The following WWOX variants were observed in gnomAD, a reference collection of about 807,000 sequenced individuals.
WWOX encodes the protein WW domain containing oxidoreductase, also known as WW domain-containing oxidoreductase.
A neutral mutation model predicts 46.2 loss-of-function variants in WWOX; 69 were observed. That is an observed-to-expected ratio of 1.49 (90% CI 1.23 to 1.82). WWOX has a LOEUF of 1.82. Ranked by LOEUF, WWOX falls within the 40% of genes most tolerant of loss-of-function variation. The probability of loss-of-function intolerance (pLI) is 0.00; values close to 1 mark genes in which losing one functional copy is unlikely to be tolerated. For missense variants in WWOX, 919 were observed against 542.6 expected (o/e 1.69, Z -6.89); for synonymous variants, 359 against 202.6 (o/e 1.77, Z -6.56).
At chr16:78,899,781 C>T (rs1037882456) in intron 8 of WWOX, 8 of 152,130 alleles carry the variant, frequency 5.3e-5, no homozygotes, top group South Asian at 2.1e-4. Context: ...AGCATTAAGA[C>T]GAAAATCTTT....
chr16:78,600,453 C>T (rs528994631), intron 8 of WWOX, among the ~76,000 whole-genome samples: 1 of 152,148 alleles, frequency 6.6e-6, no homozygotes, highest in Non-Finnish European at 1.5e-5. Context: ...GTGAAGTCAT[C>T]TCCATTTTAA....
At chr16:78,723,629 T>TCTCTTTTC (rs2048752454) in intron 8 of WWOX, among the ~76,000 whole-genome samples, 1 of 90,274 alleles carries the variant, frequency 1.1e-5, no homozygotes, top group African/African-American at 4.7e-5. Flanking sequence ...TTTCTTTTCT[T>TCTCTTTTC]TTTTCTTTTC....
At chr16:79,189,465 G>GTGTGTGTT (rs1567607035) in intron 8 of WWOX, among the ~76,000 whole-genome samples, 3 of 147,148 alleles carry the variant, frequency 2.0e-5, no homozygotes, top group African/African-American at 7.9e-5. Flanking sequence ...GTGTGTGTGT[G>GTGTGTGTT]TGTGTGTGTG....
intron 8 of WWOX, among the ~76,000 whole-genome samples, chr16:78,556,809 C>G (rs375666342): frequency 6.6e-6 from 1 of 152,130 alleles, no homozygotes; most frequent in Admixed American, 6.5e-5. Context: ...TACCCCCGCC[C>G]CCGGGTTCAA....
At chr16:79,007,710 C>T (rs556556848) in intron 8 of WWOX, among the ~76,000 whole-genome samples, 12 of 152,280 alleles carry the variant, frequency 7.9e-5, no homozygotes, top group South Asian at 2.1e-4. Flanking sequence ...GTGACTCACC[C>T]GGTATCATAT....
intron 5 of WWOX, among the ~76,000 whole-genome samples, chr16:78,291,138 C>G (rs905183294): frequency 4.6e-5 from 7 of 152,140 alleles, no homozygotes; most frequent in African/African-American, 1.7e-4. Context: ...CTCACTTAAT[C>G]TGATTTCATC....
At chr16:78,357,262 C>G (rs759403386) in intron 5 of WWOX, among the ~76,000 whole-genome samples, 3 of 152,156 alleles carry the variant, frequency 2.0e-5, no homozygotes, top group Non-Finnish European at 1.5e-5. Context: ...GAGCCACTAG[C>G]ACAAAGAACA....
At chr16:79,045,676 C>G (rs2048050966) in intron 8 of WWOX, among the ~76,000 whole-genome samples, 1 of 151,112 alleles carries the variant, frequency 6.6e-6, no homozygotes, top group Non-Finnish European at 1.5e-5. Context: ...CACTTACTAA[C>G]TGCATTGTGG....
intron 8 of WWOX, among the ~76,000 whole-genome samples, chr16:78,760,241 T>G (rs1309529150): frequency 6.6e-6 from 1 of 152,140 alleles, no homozygotes; most frequent in African/African-American, 2.4e-5. Flanking sequence ...CTCATGAGAC[T>G]TATTCACTAC....
At chr16:78,625,147 AACATCACCAATC>A (rs2046283121) in intron 8 of WWOX, among the ~76,000 whole-genome samples, 1 of 152,162 alleles carries the variant, frequency 6.6e-6, no homozygotes, top group South Asian at 2.1e-4. Flanking sequence ...TTTGCTGGAG[AACATCACCAATC>A]ACGCTGAGGG....
intron 8 of WWOX, among the ~76,000 whole-genome samples, chr16:78,571,195 T>C (rs2044707574): frequency 6.6e-6 from 1 of 152,242 alleles, no homozygotes; most frequent in Admixed American, 6.5e-5. Context: ...ATGTTAATAA[T>C]GCAGACAGCC....
chr16:78,689,501 C>G (rs1236438994), intron 8 of WWOX, among the ~76,000 whole-genome samples: 1 of 152,220 alleles, frequency 6.6e-6, no homozygotes, highest in Non-Finnish European at 1.5e-5. Flanking sequence ...TTGCTCCTCT[C>G]TCCTTGCTGG....
intron 8 of WWOX, among the ~76,000 whole-genome samples, chr16:78,975,460 T>C (rs967317867): frequency 4.7e-5 from 7 of 147,386 alleles, no homozygotes; most frequent in African/African-American, 7.5e-5. Context: ...TCCCCAACCT[T>C]TTTTTTTTTT....
At chr16:79,162,102 C>G (rs2050497681) in intron 8 of WWOX, among the ~76,000 whole-genome samples, 1 of 152,198 alleles carries the variant, frequency 6.6e-6, no homozygotes. Flanking sequence ...GAATCATTAC[C>G]TGATTTTTTA....
intron 4 of WWOX, among the ~76,000 whole-genome samples, chr16:78,134,244 G>A (rs940422723): frequency 6.6e-6 from 1 of 152,142 alleles, no homozygotes; most frequent in Admixed American, 6.5e-5. Context: ...ATTATTGATA[G>A]CATTTCTGGA....
chr16:78,910,410 G>C (rs182621894), intron 8 of WWOX, among the ~76,000 whole-genome samples: 2 of 151,930 alleles, frequency 1.3e-5, no homozygotes, highest in Admixed American at 1.3e-4. Context: ...TCAAGTCACC[G>C]TGTTATGGGG....
intron 8 of WWOX, among the ~76,000 whole-genome samples, chr16:78,930,575 G>T (rs963590772): frequency 6.7e-6 from 1 of 150,034 alleles, no homozygotes; most frequent in African/African-American, 2.4e-5. Flanking sequence ...ACAGGCATAG[G>T]CTGCTGCACC....
At chr16:78,931,607 C>G (rs970041302) in intron 8 of WWOX, among the ~76,000 whole-genome samples, 1 of 152,116 alleles carries the variant, frequency 6.6e-6, no homozygotes, top group Admixed American at 6.6e-5. Flanking sequence ...AGAGGAGGCA[C>G]ATATAAAAGT....
intron 8 of WWOX, among the ~76,000 whole-genome samples, chr16:78,468,966 T>A (rs2084153957): frequency 1.3e-5 from 2 of 152,226 alleles, no homozygotes; most frequent in African/African-American, 4.8e-5. Context: ...GACGATGTCT[T>A]ACATCAGTAG....
Sources: gnomAD v4.1 joint callset for allele counts (sites outside exome capture counted in the v4.1 genomes callset) on GRCh38, gnomAD v4.1.1 for gene constraint, MANE v1.5 for transcripts, NCBI Gene and HGNC (gene_info 2026-07-23, HGNC 2026-07-21) for gene names.